Variants in GUF1 observed in about 807,000 individuals in gnomAD.
GUF1 encodes translation factor GUF1, mitochondrial.
A neutral mutation model predicts 82.4 loss-of-function variants in GUF1; 78 were observed. The observed-to-expected ratio is 0.95, with a 90% confidence interval of 0.79 to 1.14. GUF1 has a LOEUF of 1.14. Among genes scored for constraint, GUF1 ranks in the 50% most tolerant of loss-of-function variants. GUF1 has a pLI of 0.00. For missense variants in GUF1, 814 were observed against 798.2 expected (o/e 1.02, Z -0.24); for synonymous variants, 279 against 282.3 (o/e 0.99, Z 0.12).
rs1715658066 is a variant in GUF1, at chr4:44,694,485, G to A, written c.1687G>A (p.Val563Ile). 1 of 1,604,250 alleles carries A rather than the reference G, an allele frequency of 6.2e-7. No homozygotes were observed. The highest frequency in any genetic ancestry group is 8.5e-7 in the Non-Finnish European group (1 of 1,171,578). The change falls in exon 14 of 17, where the codon GTA (valine) becomes ATA (isoleucine). Residue 563 changes from valine to isoleucine, a missense_variant. Val to Ile is a conservative substitution (Grantham distance 29). Transcript: ENST00000281543. Reference sequence around the variant, plus strand: ...GGATATTCTACTGAATGGAAATACTGTAGAGGAGCTAGTAACTGTTGTACA... The same window carrying A: ...GGATATTCTACTGAATGGAAATACTATAGAGGAGCTAGTAACTGTTGTACA... Reference protein sequence around the residue: ...KMDILLNGNTVEELVTVVHKD... With the variant: ...KMDILLNGNTIEELVTVVHKD...
Position 44,699,543 on chromosome 4 carries a change from G to A in GUF1, c.*862G>A, listed in dbSNP as rs1199845836. On this transcript the variant is annotated 3_prime_UTR_variant, in exon 17 of 17. Coordinates refer to ENST00000281543, the MANE Select transcript of GUF1 (RefSeq NM_021927.3). ...AACAAGTGAGGACCTGCTATATTTT[G>A]TTGCATGCAGTTTTTCTTTACGGAC... The A allele has an allele frequency of 1.3e-5, 2 of 152,148 alleles. No individual in the cohort carries two copies. Among genetic ancestry groups the A allele is most frequent in the Non-Finnish European group, 2.9e-5 (2 of 68,028 alleles). 9.4% of individuals were successfully genotyped at this position (152,148 alleles called of 1,614,324 possible).
rs1716012728 is a variant in GUF1 at position 44,698,675 on chromosome 4, T to C, written c.2004T>C (p.Ser668=). ...AFIKVLKTQS[S]K is the part of the protein sequence containing the mutation. The stretch of plus-strand genomic sequence containing the variant: ...TAAAAGTTCTGAAAACACAATCTTC[T>C]AAATAATTGGTGGGAAAACAAAGAA... Residue 668 remains serine, a synonymous_variant, in exon 17 of 17, where the codon TCT becomes TCC. Coordinates refer to ENST00000281543, the MANE Select transcript of GUF1 (RefSeq NM_021927.3). The C allele has an allele frequency of 6.3e-7, 1 of 1,589,516 alleles. No individual in the cohort carries two copies. Among genetic ancestry groups the C allele is most frequent in the South Asian group, 1.2e-5 (1 of 85,854 alleles).
intron 13 of GUF1, among the ~76,000 whole-genome samples, chr4:44,692,867 T>G (rs1019065305): frequency 3.3e-5 from 5 of 151,930 alleles, no homozygotes; most frequent in African/African-American, 1.2e-4. Flanking sequence ...AAAGGAAGAT[T>G]AGTAGGTTTA....
Position 44,680,815 on chromosome 4 carries a change from G to A in GUF1, c.399G>A (p.Gln133=), listed in dbSNP as rs772550296. Residue 133 remains glutamine (Q), a synonymous_variant, in exon 3 of 17, where the codon CAG becomes CAA. Coordinates refer to ENST00000281543, the MANE Select transcript of GUF1 (RefSeq NM_021927.3). ...ASLFYNCEGK[Q]YLLNLIDTPG... ...TCTTTTACAATTGTGAAGGAAAGCA[G>A]TACCTTTTAAATCTCATTGATACAC... is the stretch of plus-strand genomic sequence containing the variant. 29 of 1,610,976 alleles carry A rather than the reference G, an allele frequency of 1.8e-5. No homozygotes were observed. The highest frequency in any genetic ancestry group is 2.3e-5 in the Non-Finnish European group (27 of 1,178,360).
In GUF1 at chr4:44,686,678, A is replaced by T; in HGVS notation, c.903A>T (p.Gly301=). ...AGACATACGAAGTTAATGAAGTAGG[A>T]GTCTTGAATCCTAATGAGCAGCCAA... ...TQKTYEVNEV[G]VLNPNEQPTH... Residue 301 remains glycine, a synonymous_variant, in exon 8 of 17, where the codon GGA becomes GGT. Transcript: ENST00000281543. 6.2e-7 allele frequency: 1 copy of T among 1,611,452 alleles called. No homozygotes were observed. The highest frequency in any genetic ancestry group is 1.7e-4 in the Middle Eastern group (1 of 6,048).
chr4:44,698,403 C>G (rs556766544), intron 16 of GUF1, 141 bp from the exon 17 acceptor site: 5 of 606,060 alleles, frequency 8.3e-6, no homozygotes, highest in African/African-American at 5.7e-5. Flanking sequence ...AAAATTAGAT[C>G]TGCTAGGAAG....
At position 44,681,189 on chromosome 4, in the gene GUF1, G is replaced by A; in HGVS notation, c.493G>A (p.Val165Ile). Residue 165 changes from valine (V) to isoleucine (I), a missense_variant, in exon 4 of 17, where the codon GTT becomes ATT. Val to Ile is a conservative substitution (Grantham distance 29, BLOSUM62 3). Coordinates refer to ENST00000281543, the MANE Select transcript of GUF1 (RefSeq NM_021927.3). The stretch of plus-strand genomic sequence containing the variant: ...TGCTTGCCAGGGTGTTTTACTTGTG[G>A]TTGATGCAAATGAGGTAGGTATTTT... ...LSACQGVLLV[V>I]DANEGIQAQT... The A allele has an allele frequency of 6.2e-7, 1 of 1,611,844 alleles. No homozygotes were observed. The highest frequency in any genetic ancestry group is 1.7e-4 in the Middle Eastern group (1 of 6,050).
chr4:44,697,209 T>C (rs1318271983), intron 15 of GUF1, among the ~76,000 whole-genome samples, 199 bp from the exon 16 acceptor site: 1 of 152,206 alleles, frequency 6.6e-6, no homozygotes, highest in African/African-American at 2.4e-5. Flanking sequence ...GTTGAATTTA[T>C]TTGTTCTTTT....
Position 44,694,451 on chromosome 4 carries a change from T to G in GUF1, c.1653T>G (p.Leu551=). The G allele has an allele frequency of 6.2e-7, 1 of 1,612,700 alleles. No homozygotes were observed. Among genetic ancestry groups the G allele is most frequent in the Non-Finnish European group, 8.5e-7 (1 of 1,179,100 alleles). The part of the protein sequence containing the change: ...YEDAGYQTAE[L]VKMDILLNGN... ...ATGCAGGCTACCAGACTGCAGAACT[T>G]GTAAAAATGGATATTCTACTGAATG... Residue 551 remains leucine (L), a synonymous_variant, in exon 14 of 17, where the codon CTT becomes CTG. Transcript: ENST00000281543.
intron 10 of GUF1, among the ~76,000 whole-genome samples, 167 bp downstream of exon 10, chr4:44,689,576 G>A (rs1715291238): frequency 6.6e-6 from 1 of 151,768 alleles, no homozygotes; most frequent in South Asian, 2.1e-4. Flanking sequence ...TTATATTAGT[G>A]TAAAGTGAAC....
At chr4:44,687,433 A>G (rs1715125124) in intron 8 of GUF1, among the ~76,000 whole-genome samples, 1 of 151,954 alleles carries the variant, frequency 6.6e-6, no homozygotes, top group Non-Finnish European at 1.5e-5. Context: ...TGCCATATAT[A>G]CCAAACATTA....
At position 44,682,399 on chromosome 4, in the gene GUF1, A is replaced by T; in HGVS notation, c.573A>T (p.Pro191=). The T allele has an allele frequency of 6.6e-7, 1 of 1,514,548 alleles. No individual in the cohort carries two copies. The highest frequency in any genetic ancestry group is 8.8e-7 in the Non-Finnish European group (1 of 1,130,956). The allele number at this position is 1,514,548 out of a possible 1,614,324, so 93.8% of individuals were successfully genotyped here. A position where few individuals can be genotyped will look rare whatever the true frequency, so the allele number is the denominator to read the frequency against. ...LAFEAQLSVI[P]VINKIDLKNA... ...TCGAAGCACAGCTATCGGTAATTCCAGTTATAAATAAGGTAATTACAATGA... is the reference window on the plus strand; with the variant it reads ...TCGAAGCACAGCTATCGGTAATTCCTGTTATAAATAAGGTAATTACAATGA... The change falls in exon 5 of 17, where the codon CCA becomes CCT. Residue 191 remains proline, a synonymous_variant. Coordinates refer to ENST00000281543, the MANE Select transcript of GUF1 (RefSeq NM_021927.3).
Position 44,690,823 on chromosome 4 carries a change from C to A in GUF1, c.1442C>A (p.Pro481Gln). The A allele has an allele frequency of 6.3e-7, 1 of 1,597,644 alleles. No individual in the cohort carries two copies. The highest frequency in any genetic ancestry group is 8.5e-7 in the Non-Finnish European group (1 of 1,170,730). ...GTTGTTTTGGGCACTATTATCACAC[C>A]AGATGAATACACTGGAAAAATAATG... ...EPVVLGTIITPDEYTGKIMML... is the reference protein window; with the variant it reads ...EPVVLGTIITQDEYTGKIMML... Residue 481 changes from proline to glutamine, a missense_variant, in exon 12 of 17, where the codon CCA (proline) becomes CAA (glutamine). Transcript: ENST00000281543.
chr4:44,678,844 G>GCGAT, intron 1 of GUF1, 57 bp downstream of exon 1: 1 of 1,496,552 alleles, frequency 6.7e-7, no homozygotes, highest in South Asian at 1.3e-5. Flanking sequence ...AGTGCCCCAT[G>GCGAT]CGATCTTGGA....
At chr4:44,694,138 T>A (rs766807065) in intron 13 of GUF1, 1 of 340,232 alleles carries the variant, frequency 2.9e-6, no homozygotes, top group Non-Finnish European at 5.3e-6. Context: ...ATGATATTTG[T>A]CTTCAATAAA....
Position 44,687,995 on chromosome 4 carries a change from A to G in GUF1, c.939-12A>G, listed in dbSNP as rs562386155. ...AAAGCAGTAAATATTTGCATATAAT[A>G]ATTTTATTTAGATATGCAGGACAGG... On this transcript the variant is annotated splice_polypyrimidine_tract_variant and intron_variant, in intron 8 of 16. Transcript: ENST00000281543. The G allele has an allele frequency of 5.6e-6, 9 of 1,604,396 alleles. No individual in the cohort carries two copies. In the African/African-American group the frequency reaches 1.2e-4, roughly 22 times the overall value.
At chr4:44,695,384 A>G (rs1715741467) in intron 14 of GUF1, among the ~76,000 whole-genome samples, 1 of 152,244 alleles carries the variant, frequency 6.6e-6, no homozygotes, top group Admixed American at 6.5e-5. Context: ...AAAGAGAATC[A>G]AGAACAGTTT....
chr4:44,686,372 TAAAA>T (rs1715049785), intron 7 of GUF1, 134 bp from the exon 8 acceptor site: 2 of 505,036 alleles, frequency 4.0e-6, no homozygotes, highest in Non-Finnish European at 6.8e-6. Flanking sequence ...ATATATTTTA[TAAAA>T]AGGTCTTTTT....
chr4:44,683,132 G>T (rs1399019912), intron 5 of GUF1, 103 bp from the exon 6 acceptor site: 2 of 613,768 alleles, frequency 3.3e-6, no homozygotes, highest in African/African-American at 3.9e-5. Context: ...AGAGGGGTCA[G>T]TTAGGTTAAA....
Sources: gnomAD v4.1 joint callset for allele counts (sites outside exome capture counted in the v4.1 genomes callset) on GRCh38, gnomAD v4.1.1 for gene constraint, MANE v1.5 for transcripts, NCBI Gene and HGNC (gene_info 2026-07-23, HGNC 2026-07-21) for gene names.